NXPE2: variants seen among roughly 807,000 people sequenced by gnomAD.
NXPE2 encodes NXPE family member 2.
A neutral mutation model predicts 34.4 loss-of-function variants in NXPE2; 34 were observed. The ratio of observed to expected loss-of-function variants is 0.99; its 90% CI spans 0.75 to 1.31. The LOEUF (loss-of-function observed/expected upper bound fraction) is 1.31, where lower values mean the gene tolerates loss of function less well. Among genes scored for constraint, NXPE2 ranks in the 40% most tolerant of loss-of-function variants. The probability of loss-of-function intolerance (pLI) is 0.00; values close to 1 mark genes in which losing one functional copy is unlikely to be tolerated. For synonymous variants in NXPE2, 235 were observed against 231.3 expected (o/e 1.02, Z -0.15); for missense variants, 649 against 672.5 (o/e 0.97, Z 0.39).
the NXPE2 span, among the ~76,000 whole-genome samples, chr11:114,593,041 G>A: frequency 5.9e-5 from 9 of 152,196 alleles, no homozygotes; most frequent in African/African-American, 1.9e-4. Flanking sequence ...ATGAATTAAA[G>A]ACTGATATGC....
At chr11:114,619,877 C>G in the NXPE2 span, among the ~76,000 whole-genome samples, 5 of 152,058 alleles carry the variant, frequency 3.3e-5, no homozygotes, top group African/African-American at 9.6e-5. Context: ...AGTGTTGCCT[C>G]GTGGGTAAGA....
chr11:114,758,022 G>A, the NXPE2 span, among the ~76,000 whole-genome samples: 1 of 152,118 alleles, frequency 6.6e-6, no homozygotes, highest in East Asian at 1.9e-4. Context: ...GATTGCCTTT[G>A]GCATTAACTG....
chr11:114,548,876 GAATAAAA>G, the NXPE2 span, among the ~76,000 whole-genome samples: 3 of 149,502 alleles, frequency 2.0e-5, no homozygotes, highest in Non-Finnish European at 4.5e-5. Flanking sequence ...TATTTTGAAA[GAATAAAA>G]AATAAAAAAA....
At chr11:114,544,552 C>T in the NXPE2 span, among the ~76,000 whole-genome samples, 2 of 152,074 alleles carry the variant, frequency 1.3e-5, no homozygotes, top group Non-Finnish European at 2.9e-5. Context: ...AGACACAGAC[C>T]TCACAATTGA....
the NXPE2 span, among the ~76,000 whole-genome samples, chr11:114,716,438 G>T: frequency 6.6e-6 from 1 of 152,128 alleles, no homozygotes; most frequent in African/African-American, 2.4e-5. Context: ...AAAAATGCTC[G>T]GGAATATAGG....
At chr11:114,753,270 G>GA in the NXPE2 span, among the ~76,000 whole-genome samples, 2 of 152,082 alleles carry the variant, frequency 1.3e-5, no homozygotes, top group Non-Finnish European at 2.9e-5. Context: ...GCATGCACCT[G>GA]TAGACCCAGC....
At chr11:114,808,721 A>C in the NXPE2 span, among the ~76,000 whole-genome samples, 145,483 of 151,974 alleles carry the variant, frequency 0.96, 69,968 homozygotes, top group Middle Eastern at 1. Context: ...CACCAAAAAA[A>C]GTCCAGGACC....
At chr11:114,781,330 G>A in the NXPE2 span, among the ~76,000 whole-genome samples, 1 of 152,190 alleles carries the variant, frequency 6.6e-6, no homozygotes, top group African/African-American at 2.4e-5. Context: ...AGGACCCTTG[G>A]TTAAGTAAGC....
At chr11:114,757,796 G>A in the NXPE2 span, among the ~76,000 whole-genome samples, 1 of 152,268 alleles carries the variant, frequency 6.6e-6, no homozygotes, top group East Asian at 1.9e-4. Context: ...TCTATGGAAG[G>A]TGTCAGAGAT....
chr11:114,511,738 C>T, the NXPE2 span, among the ~76,000 whole-genome samples: 2 of 152,162 alleles, frequency 1.3e-5, no homozygotes, highest in South Asian at 2.1e-4. Flanking sequence ...TCACGAATGG[C>T]GTGGTGCCCT....
chr11:114,504,362 G>A, the NXPE2 span, among the ~76,000 whole-genome samples: 3 of 152,092 alleles, frequency 2.0e-5, no homozygotes, highest in Admixed American at 2.0e-4. Context: ...ATCCAGACCT[G>A]TGCCACCCCA....
At chr11:114,740,939 T>C in the NXPE2 span, among the ~76,000 whole-genome samples, 1 of 152,196 alleles carries the variant, frequency 6.6e-6, no homozygotes, top group African/African-American at 2.4e-5. Flanking sequence ...CTTGTGATAG[T>C]TTTTAACTTA....
chr11:114,703,844 C>G (rs950215437), intron 3 of NXPE2, 147 bp from the exon 4 acceptor site: 2 of 626,016 alleles, frequency 3.2e-6, no homozygotes, highest in African/African-American at 3.7e-5. Context: ...GAATCCTGAC[C>G]CATTAACTTC....
chr11:114,599,973 T>C, the NXPE2 span, among the ~76,000 whole-genome samples: 1 of 151,912 alleles, frequency 6.6e-6, no homozygotes, highest in Non-Finnish European at 1.5e-5. Flanking sequence ...ATAGCATAAA[T>C]AAATGGGGTA....
chr11:114,668,858 C>T, the NXPE2 span, among the ~76,000 whole-genome samples: 1 of 151,970 alleles, frequency 6.6e-6, no homozygotes, highest in Admixed American at 6.6e-5. Context: ...ACAATATTTG[C>T]AAAACTCTGA....
the NXPE2 span, among the ~76,000 whole-genome samples, chr11:114,725,976 A>AAAAATATATATATATATATAT: frequency 7.9e-5 from 8 of 101,762 alleles, no homozygotes; most frequent in African/African-American, 2.4e-4. Flanking sequence ...ATAAAAAAAA[A>AAAAATATATATATATATATAT]ATATATATAT....
the NXPE2 span, among the ~76,000 whole-genome samples, chr11:114,523,421 A>T: frequency 1.3e-5 from 2 of 152,248 alleles, no homozygotes; most frequent in South Asian, 4.2e-4. Context: ...TCTCTTACCC[A>T]AATGATGTTA....
At chr11:114,684,065 C>A (rs1950997734) in intron 2 of NXPE2, among the ~76,000 whole-genome samples, 1 of 152,066 alleles carries the variant, frequency 6.6e-6, no homozygotes, top group Admixed American at 6.6e-5. Context: ...GTTTGAGGTC[C>A]TTTTAGGTCA....
the NXPE2 span, among the ~76,000 whole-genome samples, chr11:114,732,083 C>T: frequency 6.6e-6 from 1 of 152,228 alleles, no homozygotes; most frequent in Non-Finnish European, 1.5e-5. Flanking sequence ...TTTCATAACT[C>T]ATTTTCTTTT....
Sources: allele counts gnomAD v4.1 joint callset (sites outside exome capture counted in the v4.1 genomes callset), GRCh38; gene constraint gnomAD v4.1.1; transcripts MANE v1.5; gene names NCBI Gene and HGNC (gene_info 2026-07-23, HGNC 2026-07-21).